Variants in EYA2 observed in about 807,000 individuals in gnomAD.
EYA2 encodes EYA transcriptional coactivator and phosphatase 2.
Under a neutral mutation model 69.2 loss-of-function variants are expected in EYA2, and 31 were observed. The ratio of observed to expected loss-of-function variants is 0.45; its 90% confidence interval spans 0.34 to 0.60. The LOEUF is 0.60. Ranked by LOEUF, EYA2 falls within the 20% of genes least tolerant of loss-of-function variation. The pLI, the probability that EYA2 is intolerant of heterozygous loss-of-function variation, is 0.02. For synonymous variants in EYA2, 257 were observed against 279.4 expected, an observed-to-expected ratio of 0.92 and a Z score of 0.80; for missense variants, 622 against 701.2, an observed-to-expected ratio of 0.89 and a Z score of 1.28.
chr20:47,173,063 A>G (rs1173870360), intron 12 of EYA2, among the ~76,000 whole-genome samples, 196 bp downstream of exon 12: 2 of 152,118 alleles, frequency 1.3e-5, no homozygotes, highest in Admixed American at 1.3e-4. Context: ...GGGAAAGCTG[A>G]GGGACGGAGG....
At chr20:47,170,057 C>G (rs1271212057) in intron 11 of EYA2, among the ~76,000 whole-genome samples, 1 of 151,876 alleles carries the variant, frequency 6.6e-6, no homozygotes, top group Non-Finnish European at 1.5e-5. Flanking sequence ...AGTCATGCAC[C>G]ACCACACCCA....
rs115735719 is a variant in EYA2, at chr20:47,021,765, C to T, written c.415+5468C>T. On this transcript the variant is annotated intron_variant, in intron 5 of 15. Coordinates refer to ENST00000327619, the MANE Select transcript of EYA2 (RefSeq NM_005244.5). The stretch of plus-strand genomic sequence containing the variant: ...CAGCCACTCAGGAGCAACATAGAAT[C>T]GTGCAATTCAGGGATGTGTAGGAAA... 6.1e-3 allele frequency among the ~76,000 whole-genome samples: 921 copies of T among 151,984 alleles called. 9 individuals carry two copies. The highest frequency in any genetic ancestry group is 0.021 in the African/African-American group (867 of 41,454).
chr20:47,074,116 G>T (rs1462183977), intron 6 of EYA2, 42 bp from the exon 7 acceptor site: 3 of 1,525,998 alleles, frequency 2.0e-6, no homozygotes, highest in Non-Finnish European at 2.7e-6. Context: ...AGCCCAGAAA[G>T]GCTTCCTCAC....
chr20:46,956,592 C>T (rs941783121), intron 1 of EYA2, among the ~76,000 whole-genome samples: 1 of 152,182 alleles, frequency 6.6e-6, no homozygotes, highest in African/African-American at 2.4e-5. Context: ...ATGGCCAGCC[C>T]TACACATTGC....
chr20:46,916,239 C>T (rs1984895732), intron 1 of EYA2, among the ~76,000 whole-genome samples: 1 of 152,112 alleles, frequency 6.6e-6, no homozygotes. Context: ...CATCTGCCCC[C>T]CTCCTGTGAA....
intron 1 of EYA2, among the ~76,000 whole-genome samples, chr20:46,924,513 A>AT (rs1985319491): frequency 2.0e-5 from 3 of 152,086 alleles, no homozygotes; most frequent in Admixed American, 2.0e-4. Context: ...TACTAAAAAT[A>AT]CAAAAAATTA....
At chr20:47,115,528 G>T (rs996045000) in intron 9 of EYA2, among the ~76,000 whole-genome samples, 1 of 152,014 alleles carries the variant, frequency 6.6e-6, no homozygotes, top group Non-Finnish European at 1.5e-5. Flanking sequence ...TTATGCTCAC[G>T]TAACTCTCTT....
At chr20:46,899,178 C>G (rs1983968335) in intron 1 of EYA2, among the ~76,000 whole-genome samples, 3 of 152,216 alleles carry the variant, frequency 2.0e-5, no homozygotes, top group Non-Finnish European at 2.9e-5. Flanking sequence ...GCTTTTGCTT[C>G]TCTGCAAAGT....
chr20:47,046,114 C>T (rs1001851162), intron 5 of EYA2, among the ~76,000 whole-genome samples: 1 of 152,224 alleles, frequency 6.6e-6, no homozygotes, highest in African/African-American at 2.4e-5. Flanking sequence ...CAGGTGGGGA[C>T]TCTCTTCCTG....
chr20:47,014,068 A>T (rs940178547), intron 4 of EYA2, among the ~76,000 whole-genome samples: 3 of 152,228 alleles, frequency 2.0e-5, no homozygotes, highest in Non-Finnish European at 4.4e-5. Context: ...TGATGTGAGG[A>T]TAAAAGAGAT....
At chr20:46,897,531 G>A (rs749163153) in intron 1 of EYA2, among the ~76,000 whole-genome samples, 4 of 152,210 alleles carry the variant, frequency 2.6e-5, no homozygotes, top group Admixed American at 6.5e-5. Context: ...AGCTCAGAGC[G>A]AGGACTCATT....
At chr20:47,067,385 G>A (rs958109329) in intron 5 of EYA2, among the ~76,000 whole-genome samples, 1 of 152,024 alleles carries the variant, frequency 6.6e-6, no homozygotes, top group Non-Finnish European at 1.5e-5. Flanking sequence ...GATAGAGTGG[G>A]ATTTTGTTGA....
chr20:46,911,266 C>A (rs1004649453), intron 1 of EYA2, among the ~76,000 whole-genome samples: 6 of 144,796 alleles, frequency 4.1e-5, no homozygotes, highest in Non-Finnish European at 6.0e-5. Flanking sequence ...TGTGTGTCCA[C>A]TCTGTATACT....
intron 10 of EYA2, among the ~76,000 whole-genome samples, chr20:47,145,933 TG>T (rs1482037898): frequency 6.8e-6 from 1 of 147,494 alleles, no homozygotes; most frequent in Non-Finnish European, 1.5e-5. Context: ...AAAAGAAATG[TG>T]GAGGCAGAGA....
chr20:47,105,937 C>T (rs903800268), intron 9 of EYA2, among the ~76,000 whole-genome samples: 1 of 152,112 alleles, frequency 6.6e-6, no homozygotes, highest in African/African-American at 2.4e-5. Context: ...TACTGCCCTG[C>T]GTTATTGTGC....
At chr20:47,001,660 G>C (rs1424461188) in intron 3 of EYA2, among the ~76,000 whole-genome samples, 187 bp downstream of exon 3, 1 of 152,156 alleles carries the variant, frequency 6.6e-6, no homozygotes. Context: ...CCATCTGGGA[G>C]CGGGGGACAG....
chr20:47,002,874 T>A (rs1024083489), intron 3 of EYA2, among the ~76,000 whole-genome samples: 7 of 152,338 alleles, frequency 4.6e-5, no homozygotes, highest in Middle Eastern at 3.4e-3. Context: ...TTGCAGCAGG[T>A]TCCCCCAAAT....
At chr20:46,976,449 G>A (rs967022928) in intron 1 of EYA2, among the ~76,000 whole-genome samples, 8 of 151,984 alleles carry the variant, frequency 5.3e-5, no homozygotes, top group Non-Finnish European at 5.9e-5. Flanking sequence ...GCAGTGGTGC[G>A]ATCTAGGCTC....
intron 9 of EYA2, among the ~76,000 whole-genome samples, chr20:47,139,753 T>C (rs2033556087): frequency 6.6e-6 from 1 of 152,214 alleles, no homozygotes; most frequent in Non-Finnish European, 1.5e-5. Flanking sequence ...CTAAGTAACA[T>C]CCTTAGGTGC....
Sources: allele counts gnomAD v4.1 joint callset (sites outside exome capture counted in the v4.1 genomes callset), GRCh38; gene constraint gnomAD v4.1.1; transcripts MANE v1.5; gene names NCBI Gene and HGNC (gene_info 2026-07-23, HGNC 2026-07-21).